TXNDC16: variants seen among roughly 807,000 people sequenced by gnomAD.
The protein encoded by TXNDC16 is thioredoxin domain-containing protein 16.
TXNDC16 carries 74 observed loss-of-function variants against 85.6 expected under a neutral mutation model. The ratio of observed to expected loss-of-function variants is 0.86; its 90% CI spans 0.72 to 1.05. TXNDC16 has a LOEUF of 1.05. TXNDC16 is among the 50% of genes least tolerant of loss of function. TXNDC16 has a pLI of 0.00. For missense variants in TXNDC16, 959 were observed against 947.0 expected (o/e 1.01, Z -0.17); for synonymous variants, 335 against 326.5 (o/e 1.03, Z -0.28).
chr14:52,466,982 T>A (rs2035791647), intron 16 of TXNDC16, among the ~76,000 whole-genome samples: 2 of 149,130 alleles, frequency 1.3e-5, no homozygotes, highest in African/African-American at 2.5e-5. Flanking sequence ...CCTAGTAGAG[T>A]CAATAGAAAA....
intron 14 of TXNDC16, among the ~76,000 whole-genome samples, chr14:52,476,833 A>G (rs1048249655): frequency 6.6e-6 from 1 of 152,202 alleles, no homozygotes; most frequent in African/African-American, 2.4e-5. Context: ...GAAACCTGGG[A>G]AATTAATCAC....
In TXNDC16 at chr14:52,482,947, A is replaced by C; in HGVS notation, c.1127T>G (p.Val376Gly). Residue 376 changes from valine (V) to glycine (G), a missense_variant, in exon 13 of 21, where the codon GTG becomes GGG. Coordinates refer to ENST00000281741, the MANE Select transcript of TXNDC16 (RefSeq NM_020784.3). ...CCTATCTCTGAAAACAGTTTCTGCCACTTCATCATCCTGAACATCTAAAAT... is the reference window on the plus strand; with the variant it reads ...CCTATCTCTGAAAACAGTTTCTGCCCCTTCATCATCCTGAACATCTAAAAT... ...GPDIDVQDDE[V>G]AETVFRDRKR... 1 of 1,608,464 alleles carries C rather than the reference A, an allele frequency of 6.2e-7. No individual in the cohort carries two copies. Among genetic ancestry groups the C allele is most frequent in the Non-Finnish European group, 8.5e-7 (1 of 1,178,746 alleles).
At chr14:52,469,358 CA>C (rs2035850253) in intron 16 of TXNDC16, among the ~76,000 whole-genome samples, 1 of 149,832 alleles carries the variant, frequency 6.7e-6, no homozygotes, top group African/African-American at 2.5e-5. Context: ...AAAAAAAAAA[CA>C]AAAAACAAAT....
Position 52,491,097 on chromosome 14 carries a change from G to C in TXNDC16, c.757-92C>G, listed in dbSNP as rs1305880907. On this transcript the variant is annotated intron_variant, in intron 9 of 20. Coordinates refer to ENST00000281741, the MANE Select transcript of TXNDC16 (RefSeq NM_020784.3). ...CTAATTCTTATTAATAAAGTCATGA[G>C]TAAAAAAAAGTGTAAAATAATCCAA... 3.6e-6 allele frequency: 5 copies of C among 1,375,042 alleles called. No homozygotes were observed. The African/African-American group carries it at 6.0e-5, about 16-fold the overall frequency. The allele number at this position is 1,375,042 out of a possible 1,614,324, so 85.2% of individuals were successfully genotyped here. A position where few individuals can be genotyped will look rare whatever the true frequency, so the allele number is the denominator to read the frequency against.
At chr14:52,515,904 C>G (rs1424035864) in intron 7 of TXNDC16, among the ~76,000 whole-genome samples, 1 of 152,052 alleles carries the variant, frequency 6.6e-6, no homozygotes, top group African/African-American at 2.4e-5. Flanking sequence ...ATACTATTTG[C>G]AGAGAAGCCA....
chr14:52,512,280 A>G (rs938855512), intron 8 of TXNDC16, among the ~76,000 whole-genome samples: 2 of 152,224 alleles, frequency 1.3e-5, no homozygotes, highest in African/African-American at 4.8e-5. Context: ...AGATATAGTC[A>G]AACAATTAAA....
intron 18 of TXNDC16, among the ~76,000 whole-genome samples, chr14:52,452,281 G>A (rs1348061442): frequency 6.6e-6 from 1 of 152,084 alleles, no homozygotes; most frequent in African/African-American, 2.4e-5. Flanking sequence ...TTTAATGCAA[G>A]CCCTATCAAA....
intron 6 of TXNDC16, among the ~76,000 whole-genome samples, chr14:52,524,538 A>G (rs1298155801): frequency 6.6e-6 from 1 of 152,056 alleles, no homozygotes; most frequent in East Asian, 1.9e-4. Context: ...TCTGTCACAC[A>G]GGCTGAACGG....
At chr14:52,509,200 G>C (rs1240517702) in intron 9 of TXNDC16, among the ~76,000 whole-genome samples, 1 of 151,888 alleles carries the variant, frequency 6.6e-6, no homozygotes, top group Non-Finnish European at 1.5e-5. Flanking sequence ...GAAACTTTAG[G>C]AAAGGGCACA....
At chr14:52,465,419 C>T (rs181777488) in intron 16 of TXNDC16, among the ~76,000 whole-genome samples, 1 of 151,920 alleles carries the variant, frequency 6.6e-6, no homozygotes, top group East Asian at 1.9e-4. Context: ...GGTGAAACCC[C>T]GTCTCTACTA....
At chr14:52,476,173 G>A (rs1261189197) in intron 14 of TXNDC16, among the ~76,000 whole-genome samples, 1 of 152,116 alleles carries the variant, frequency 6.6e-6, no homozygotes, top group Non-Finnish European at 1.5e-5. Context: ...AAAAGGAACT[G>A]AACAACAGCC....
At position 52,514,893 on chromosome 14, in the gene TXNDC16, A is replaced by G. The variant is rs752838166; in HGVS notation, c.592T>C (p.Leu198=). The G allele has an allele frequency of 4.3e-6, 7 of 1,611,060 alleles. No homozygotes were observed. The African/African-American group carries it at 5.3e-5, about 12-fold the overall frequency. Residue 198 remains leucine (L), a synonymous_variant, in exon 8 of 21, where the codon TTG becomes CTG. Coordinates refer to ENST00000281741, the MANE Select transcript of TXNDC16 (RefSeq NM_020784.3). ...TTTTATACATACCCAATACTTTCCA[A>G]AAGGGCAATTTCTGTGGTTAAGACA... is the stretch of plus-strand genomic sequence containing the variant. ...QFVLTTEIAL[L]ESIGSEDVEY... is the part of the protein sequence containing the mutation.
chr14:52,534,506 T>C (rs1012576582), intron 6 of TXNDC16, among the ~76,000 whole-genome samples: 4 of 152,190 alleles, frequency 2.6e-5, no homozygotes, highest in Non-Finnish European at 5.9e-5. Context: ...AAAAAAAAGA[T>C]TGAACATGGC....
intron 9 of TXNDC16, among the ~76,000 whole-genome samples, chr14:52,499,677 T>A (rs1412666794): frequency 6.6e-6 from 1 of 151,732 alleles, no homozygotes; most frequent in Non-Finnish European, 1.5e-5. Flanking sequence ...AATGAACCCT[T>A]GTGCACTGTT....
chr14:52,522,502 G>A (rs1201743768), intron 6 of TXNDC16, among the ~76,000 whole-genome samples: 1 of 152,160 alleles, frequency 6.6e-6, no homozygotes, highest in Non-Finnish European at 1.5e-5. Context: ...TCTGAAGCAG[G>A]GGCAGGCGAT....
intron 9 of TXNDC16, among the ~76,000 whole-genome samples, chr14:52,499,669 T>G (rs1383985578): frequency 2.0e-5 from 3 of 150,290 alleles, no homozygotes; most frequent in African/African-American, 7.3e-5. Flanking sequence ...TATGAAGAAA[T>G]GAACCCTTGT....
At chr14:52,489,708 A>G (rs2036356552) in intron 11 of TXNDC16, among the ~76,000 whole-genome samples, 1 of 152,224 alleles carries the variant, frequency 6.6e-6, no homozygotes. Context: ...TATAACCACC[A>G]TACAGATTAA....
intron 9 of TXNDC16, among the ~76,000 whole-genome samples, chr14:52,497,208 T>C (rs1055981390): frequency 1.3e-5 from 2 of 152,146 alleles, no homozygotes; most frequent in African/African-American, 4.8e-5. Context: ...TATGAGCAAT[T>C]ATATGCCAAT....
At chr14:52,524,042 T>C (rs924078543) in intron 6 of TXNDC16, among the ~76,000 whole-genome samples, 2 of 152,226 alleles carry the variant, frequency 1.3e-5, no homozygotes, top group African/African-American at 4.8e-5. Flanking sequence ...AAGTATGTCA[T>C]TATCGAACAG....
Sources: gnomAD v4.1 joint callset for allele counts (sites outside exome capture counted in the v4.1 genomes callset) on GRCh38, gnomAD v4.1.1 for gene constraint, MANE v1.5 for transcripts, NCBI Gene and HGNC (gene_info 2026-07-23, HGNC 2026-07-21) for gene names.